The following PPFIA4 variants were observed in gnomAD, a reference collection of about 807,000 sequenced individuals.
The protein encoded by PPFIA4 is PPFI scaffold protein A4.
PPFIA4 carries 98 observed loss-of-function variants against 145.7 expected under a neutral mutation model. The ratio of observed to expected loss-of-function variants is 0.67; its 90% CI spans 0.57 to 0.80. The LOEUF (loss-of-function observed/expected upper bound fraction) is 0.80, where lower values mean the gene tolerates loss of function less well. PPFIA4 is among the 30% of genes least tolerant of loss of function. The pLI, the probability that PPFIA4 is intolerant of heterozygous loss-of-function variation, is 0.00. For missense variants in PPFIA4, 1,457 were observed against 1,632.7 expected (o/e 0.89, Z 1.85); for synonymous variants, 628 against 649.6 (o/e 0.97, Z 0.51).
At position 203,048,476 on chromosome 1, in the gene PPFIA4, G is replaced by A. The variant is rs1298272437; in HGVS notation, c.1225-107G>A. 6.6e-7 allele frequency: 1 copy of A among 1,507,186 alleles called. No individual in the cohort carries two copies. Among genetic ancestry groups the A allele is most frequent in the East Asian group, 2.5e-5 (1 of 40,600 alleles). The allele number at this position is 1,507,186 out of a possible 1,614,324, so 93.4% of individuals were successfully genotyped here. A position where few individuals can be genotyped will look rare whatever the true frequency, so the allele number is the denominator to read the frequency against. On this transcript the variant is annotated intron_variant, in intron 10 of 29. Transcript: ENST00000295706. This position sits in a 1 kb window ranked among gnomAD's most constrained non-coding sequence, Gnocchi z 5.8. ...GGAGGTGGTCAGGAGACTGGAGAGA[G>A]TGGCTCCCAGAGGATGAGAAGAGGA...
intron 2 of PPFIA4, among the ~76,000 whole-genome samples, 173 bp downstream of exon 2, chr1:203,039,415 C>T (rs879904101): frequency 2.9e-4 from 44 of 152,336 alleles, no homozygotes; most frequent in Admixed American, 9.8e-4. Flanking sequence ...CTCCCATGCT[C>T]CTCAGTCTGG....
In PPFIA4 at chr1:203,026,631, TGAGCGCCCA is replaced by T. The variant is rs1658405445; in HGVS notation, c.-400+7_-400+15del. ...CTGGCCTTCGGCATTTGCAGGCAGGTGAGCGCCCAGAGCCTGGACTGGGGTAGGATGCGT... is the reference window on the plus strand; with the variant it reads ...CTGGCCTTCGGCATTTGCAGGCAGGTGAGCCTGGACTGGGGTAGGATGCGT... On this transcript the variant is annotated splice_donor_5th_base_variant and intron_variant, in intron 1 of 29. Transcript: ENST00000295706. 6.6e-6 allele frequency: 1 copy of T among 152,424 alleles called. No homozygotes were observed. The highest frequency in any genetic ancestry group is 6.5e-5 in the Admixed American group (1 of 15,292). 9.4% of individuals were successfully genotyped at this position (152,424 alleles called of 1,614,324 possible).
chr1:203,044,436 G>T lies in PPFIA4; in HGVS notation c.559G>T (p.Ala187Ser), dbSNP rs1459021022. 6.4e-7 allele frequency: 1 copy of T among 1,551,382 alleles called. No homozygotes were observed. The highest frequency in any genetic ancestry group is 8.7e-7 in the Non-Finnish European group (1 of 1,147,462). ...AGTCACCACCTTGGAGGAGCAGCTG[G>T]CAGGTGCCCACCAGCAGGTAATCTG... ...ERVTTLEEQL[A>S]GAHQQVSALQ... Residue 187 changes from alanine (A) to serine (S), a missense_variant, in exon 5 of 30, where the codon GCA becomes TCA. Coordinates refer to ENST00000295706, the MANE Select transcript of PPFIA4 (RefSeq NM_001304331.2).
chr1:203,028,912 C>T (rs1040677924), intron 1 of PPFIA4, among the ~76,000 whole-genome samples: 1 of 152,132 alleles, frequency 6.6e-6, no homozygotes, highest in Admixed American at 6.5e-5. Context: ...GGTGCTGGCT[C>T]ACAGGAGCGT....
In PPFIA4 at chr1:203,075,225, A is replaced by C. The variant is rs1403330987; in HGVS notation, c.3394-352A>C. On this transcript the variant is annotated intron_variant, in intron 28 of 29. Transcript: ENST00000295706. This position sits in a 1 kb window ranked among gnomAD's most constrained non-coding sequence, Gnocchi z 4.1. ...GCTGTCACCTCCCATGGGCTGAGGC[A>C]GAGGAATGCCTTGAAAGGTGAATGG... Among the ~76,000 whole-genome samples, 1 of 152,074 alleles carries C rather than the reference A, an allele frequency of 6.6e-6. No individual in the cohort carries two copies. Among genetic ancestry groups the C allele is most frequent in the Non-Finnish European group, 1.5e-5 (1 of 67,986 alleles).
At chr1:203,044,196 T>TCCCTAATGTA in intron 4 of PPFIA4, 101 bp downstream of exon 4, 2 of 1,317,140 alleles carry the variant, frequency 1.5e-6, no homozygotes, top group Non-Finnish European at 2.1e-6. Flanking sequence ...TAGGGAGCAC[T>TCCCTAATGTA]GGCTCCCTCC....
intron 25 of PPFIA4, among the ~76,000 whole-genome samples, chr1:203,064,689 T>C (rs1387961786): frequency 2.0e-5 from 3 of 152,264 alleles, no homozygotes; most frequent in Non-Finnish European, 4.4e-5. Context: ...TCTGGATTTC[T>C]GGCTTCTTTT....
In PPFIA4 at chr1:203,049,735, A is replaced by T. The variant is rs1558080035; in HGVS notation, c.1479A>T (p.Arg493=). ...AAGAGGTGGACCAGCTGAAGGGCCG[A>T]GGGGGGCCGTTTGTGGATGGCGTCC... is the stretch of plus-strand genomic sequence containing the variant. ...LRQEVDQLKG[R]GGPFVDGVHS... is the part of the protein sequence containing the mutation. Residue 493 remains arginine (R), a synonymous_variant, in exon 13 of 30, where the codon CGA becomes CGT. Transcript: ENST00000295706. 1 of 1,587,564 alleles carries T rather than the reference A, an allele frequency of 6.3e-7. No individual in the cohort carries two copies. Among genetic ancestry groups the T allele is most frequent in the South Asian group, 1.2e-5 (1 of 86,906 alleles).
chr1:203,056,360 C>T lies in PPFIA4; in HGVS notation c.2107-15C>T, dbSNP rs201280897. On this transcript the variant is annotated splice_polypyrimidine_tract_variant and intron_variant, in intron 17 of 29. Transcript: ENST00000295706. ...TCTCTCCCTCTATCCCCTGACGGCT[C>T]CACTGTCTGTTCAGTCGCCAGTGTC... 1.6e-4 allele frequency: 252 copies of T among 1,613,218 alleles called. No individual in the cohort carries two copies. The highest frequency in any genetic ancestry group is 6.6e-4 in the Middle Eastern group (4 of 6,052).
At chr1:203,031,470 CTT>C (rs1658824410) in intron 1 of PPFIA4, among the ~76,000 whole-genome samples, 2 of 152,084 alleles carry the variant, frequency 1.3e-5, no homozygotes, top group Non-Finnish European at 2.9e-5. Flanking sequence ...CCCCCATTCT[CTT>C]TTCGTACTGC....
intron 1 of PPFIA4, among the ~76,000 whole-genome samples, chr1:203,033,680 A>G (rs1659009014): frequency 6.6e-6 from 1 of 152,138 alleles, no homozygotes; most frequent in Non-Finnish European, 1.5e-5. Flanking sequence ...CTTGCTCTCA[A>G]GAAGGTTTAA....
chr1:203,056,577 G>T, intron 18 of PPFIA4, 69 bp downstream of exon 18: 1 of 1,551,366 alleles, frequency 6.4e-7, no homozygotes, highest in Non-Finnish European at 8.7e-7. Flanking sequence ...CTCTGCCTCT[G>T]CAGGGACCGC....
At chr1:203,047,325 G>T (rs1356127254) in intron 9 of PPFIA4, among the ~76,000 whole-genome samples, 1 of 152,158 alleles carries the variant, frequency 6.6e-6, no homozygotes, top group Non-Finnish European at 1.5e-5. Flanking sequence ...GAGTTAGACG[G>T]GATGGTCTCG....
intron 28 of PPFIA4, among the ~76,000 whole-genome samples, chr1:203,071,961 C>T (rs1163555049): frequency 3.3e-5 from 5 of 152,232 alleles, no homozygotes; most frequent in East Asian, 1.9e-4. Context: ...AATAGGCTGT[C>T]GAGAAGTCTC....
At position 203,055,623 on chromosome 1, in the gene PPFIA4, C is replaced by T; in HGVS notation, c.2021C>T (p.Thr674Ile). Residue 674 changes from threonine to isoleucine, a missense_variant, in exon 16 of 30, where the codon ACC becomes ATC. Coordinates refer to ENST00000295706, the MANE Select transcript of PPFIA4 (RefSeq NM_001304331.2). This position sits in a 1 kb window ranked among gnomAD's most constrained non-coding sequence, Gnocchi z 4.8. ...PLSGRSTPKL[T>I]SRSAAQDLDR... Reference sequence around the variant, plus strand: ...AGCGGCCGCTCCACACCTAAGCTCACCTCCCGCAGTGCTGCCCAGGACCTG... The same window carrying T: ...AGCGGCCGCTCCACACCTAAGCTCATCTCCCGCAGTGCTGCCCAGGACCTG... 1 of 1,614,038 alleles carries T rather than the reference C, an allele frequency of 6.2e-7. No homozygotes were observed. The highest frequency in any genetic ancestry group is 1.1e-5 in the South Asian group (1 of 91,082).
chr1:203,052,055 C>CACA (rs1660569467), intron 14 of PPFIA4, among the ~76,000 whole-genome samples, 178 bp downstream of exon 14: 4 of 150,012 alleles, frequency 2.7e-5, no homozygotes, highest in South Asian at 2.2e-4. Flanking sequence ...GCCCCCCCCC[C>CACA]CGCTTGCCTT....
At chr1:203,076,284 C>A in intron 29 of PPFIA4, 57 bp from the exon 30 acceptor site, 1 of 1,543,808 alleles carries the variant, frequency 6.5e-7, no homozygotes, top group Non-Finnish European at 8.9e-7. Context: ...CAACCTCTCT[C>A]GCAGATGCCC....
intron 12 of PPFIA4, 39 bp from the exon 13 acceptor site, chr1:203,049,637 G>GCCC: frequency 1.4e-6 from 2 of 1,406,384 alleles, no homozygotes; most frequent in Non-Finnish European, 1.9e-6. Context: ...CCCCTCCCTG[G>GCCC]CCCCCACTCC....
In PPFIA4 at chr1:203,047,050, C is replaced by T. The variant is rs535727552; in HGVS notation, c.1140+668C>T. Among the ~76,000 whole-genome samples the T allele has an allele frequency of 2.3e-3, 351 of 152,276 alleles. 1 individual carries two copies. Among genetic ancestry groups the T allele is most frequent in the African/African-American group, 8.1e-3 (335 of 41,548 alleles). The stretch of plus-strand genomic sequence containing the variant: ...GGGGTTAATCAAAATAATTTAGGAG[C>T]GTTTTCAGCTGGTCAGCCTCATATG... On this transcript the variant is annotated intron_variant, in intron 9 of 29. Coordinates refer to ENST00000295706, the MANE Select transcript of PPFIA4 (RefSeq NM_001304331.2).
Sources: allele counts gnomAD v4.1 joint callset (sites outside exome capture counted in the v4.1 genomes callset), GRCh38; gene constraint gnomAD v4.1.1; non-coding constraint Gnocchi (gnomAD v3.1); transcripts MANE v1.5; gene names NCBI Gene and HGNC (gene_info 2026-07-23, HGNC 2026-07-21).